The following IL7 variants were observed in gnomAD, a reference collection of about 807,000 sequenced individuals.
The protein encoded by IL7 is interleukin 7.
IL7 carries 3 observed loss-of-function variants against 21.6 expected under a neutral mutation model. The observed-to-expected ratio is 0.14, with a 90% CI of 0.06 to 0.36. The LOEUF (loss-of-function observed/expected upper bound fraction) is 0.36, where lower values mean the gene tolerates loss of function less well. Ranked by LOEUF, IL7 falls within the 10% of genes least tolerant of loss-of-function variation. IL7 has a pLI of 1.00. For missense variants in IL7, 175 were observed against 200.2 expected (o/e 0.87, Z 0.76); for synonymous variants, 62 against 68.1 (o/e 0.91, Z 0.44).
intron 2 of IL7, among the ~76,000 whole-genome samples, chr8:78,771,672 G>T (rs1812959303): frequency 1.3e-5 from 2 of 152,090 alleles, no homozygotes; most frequent in African/African-American, 2.4e-5. Flanking sequence ...TAATGTTTAA[G>T]TCCATTTATG....
chr8:78,737,304 T>C (rs1321443893), intron 4 of IL7, among the ~76,000 whole-genome samples: 2 of 152,126 alleles, frequency 1.3e-5, no homozygotes, highest in East Asian at 3.9e-4. Flanking sequence ...TCACAACTAA[T>C]TAATTGGATG....
chr8:78,742,003 T>C (rs1290882141), intron 2 of IL7, among the ~76,000 whole-genome samples: 1 of 152,126 alleles, frequency 6.6e-6, no homozygotes, highest in Non-Finnish European at 1.5e-5. Flanking sequence ...ATGTCACATA[T>C]GTCCAGATGC....
intron 2 of IL7, among the ~76,000 whole-genome samples, chr8:78,773,120 G>A (rs1586091706): frequency 6.6e-6 from 1 of 152,150 alleles, no homozygotes; most frequent in South Asian, 2.1e-4. Context: ...GGTGGCTGGA[G>A]TCTATCTCAG....
intron 2 of IL7, among the ~76,000 whole-genome samples, chr8:78,755,834 C>G (rs1456963948): frequency 6.6e-6 from 1 of 151,970 alleles, no homozygotes; most frequent in Non-Finnish European, 1.5e-5. Context: ...TTTCTCTTGC[C>G]TAATTGCTCT....
rs1419580464 is a variant in IL7 at position 78,763,832 on chromosome 8, GC to G, written c.148-23751del. 2.0e-5 allele frequency among the ~76,000 whole-genome samples: 3 copies of G among 152,066 alleles called. No individual in the cohort carries two copies. In the East Asian group the frequency reaches 5.8e-4, roughly 29 times the overall value. ...AATACTTCTCAACTCATTCTATAAG[GC>G]CAGCATTACCCTAATATCAAAAATC... On this transcript the variant is annotated intron_variant, in intron 2 of 5. Coordinates refer to ENST00000263851, the MANE Select transcript of IL7 (RefSeq NM_000880.4).
intron 3 of IL7, among the ~76,000 whole-genome samples, chr8:78,712,731 A>G (rs902197518): frequency 2.0e-5 from 3 of 152,114 alleles, no homozygotes; most frequent in Non-Finnish European, 2.9e-5. Context: ...ACTCTACAGC[A>G]TGAGTCTTCA....
chr8:78,680,485 G>T (rs1330824509), intron 4 of IL7, among the ~76,000 whole-genome samples: 1 of 152,146 alleles, frequency 6.6e-6, no homozygotes, highest in Non-Finnish European at 1.5e-5. Context: ...ATCCTTGGGT[G>T]AGTCGTATGC....
chr8:78,699,993 G>A (rs773541404), intron 3 of IL7, among the ~76,000 whole-genome samples: 9 of 152,168 alleles, frequency 5.9e-5, no homozygotes, highest in Non-Finnish European at 1.3e-4. Context: ...TAATGGGATT[G>A]CTGGGGGAAA....
rs10101815 is a variant in IL7 at position 78,780,450 on chromosome 8, C to T, written c.147+17622G>A. Among the ~76,000 whole-genome samples, 1,492 of 152,254 alleles carry T rather than the reference C, an allele frequency of 9.8e-3. 19 individuals carry two copies. Among genetic ancestry groups the T allele is most frequent in the African/African-American group, 0.034 (1,432 of 41,540 alleles). ...ACTGCCTCTTTGTTTTCATTGATTT[C>T]AAAGAACTTCCTGACTTGTGCCTTA... is the stretch of plus-strand genomic sequence containing the variant. On this transcript the variant is annotated intron_variant, in intron 2 of 5. Coordinates refer to ENST00000263851, the MANE Select transcript of IL7 (RefSeq NM_000880.4).
chr8:78,745,775 TTTGG>T (rs757785378), intron 2 of IL7, among the ~76,000 whole-genome samples: 1 of 152,190 alleles, frequency 6.6e-6, no homozygotes, highest in Non-Finnish European at 1.5e-5. Flanking sequence ...TTACCAAAAA[TTTGG>T]AGGCTCAAAA....
At chr8:78,767,598 G>A (rs576913474) in intron 2 of IL7, among the ~76,000 whole-genome samples, 4 of 151,846 alleles carry the variant, frequency 2.6e-5, no homozygotes, top group South Asian at 2.1e-4. Flanking sequence ...CCATAACCAC[G>A]CACTTTTTAT....
intron 5 of IL7, among the ~76,000 whole-genome samples, chr8:78,734,231 A>G (rs1811500495): frequency 6.6e-6 from 1 of 152,198 alleles, no homozygotes; most frequent in African/African-American, 2.4e-5. Context: ...TTTGCCAAAG[A>G]TAATAAGGAT....
intron 3 of IL7, among the ~76,000 whole-genome samples, chr8:78,704,893 A>C (rs1186195156): frequency 6.6e-6 from 1 of 152,068 alleles, no homozygotes; most frequent in Non-Finnish European, 1.5e-5. Context: ...CTCTTCTGCT[A>C]TTAATACTTG....
chr8:78,756,311 G>T (rs1215706862), intron 2 of IL7, among the ~76,000 whole-genome samples: 1 of 151,850 alleles, frequency 6.6e-6, no homozygotes, highest in Non-Finnish European at 1.5e-5. Flanking sequence ...TGCTATCAGG[G>T]TAATGCTGGC....
chr8:78,800,203 T>C (rs1310024981), intron 1 of IL7, among the ~76,000 whole-genome samples: 1 of 152,240 alleles, frequency 6.6e-6, no homozygotes, highest in Non-Finnish European at 1.5e-5. Context: ...TTCACTTAGA[T>C]AATGGCCTCA....
chr8:78,719,524 T>C (rs9298317), intron 5 of IL7: 15 of 151,810 alleles, frequency 9.9e-5, no homozygotes, highest in African/African-American at 3.6e-4. Context: ...TTAAAAAAAA[T>C]CTTCCTATGC....
chr8:78,693,213 G>A (rs1810273702), intron 3 of IL7, among the ~76,000 whole-genome samples: 3 of 152,124 alleles, frequency 2.0e-5, no homozygotes, highest in Admixed American at 2.0e-4. Flanking sequence ...TGTCTTTATA[G>A]CAGCATGATT....
intron 2 of IL7, among the ~76,000 whole-genome samples, chr8:78,754,778 A>G (rs761535397): frequency 6.6e-6 from 1 of 152,164 alleles, no homozygotes; most frequent in South Asian, 2.1e-4. Context: ...GTCTCATTCT[A>G]TAGGTTGTCT....
At chr8:78,722,370 T>C (rs1425453658) in intron 3 of IL7, among the ~76,000 whole-genome samples, 1 of 151,856 alleles carries the variant, frequency 6.6e-6, no homozygotes, top group Non-Finnish European at 1.5e-5. Context: ...CTAAATTTCA[T>C]TCAAGAGGAC....
Sources: allele counts gnomAD v4.1 joint callset (sites outside exome capture counted in the v4.1 genomes callset), GRCh38; gene constraint gnomAD v4.1.1; transcripts MANE v1.5; gene names NCBI Gene and HGNC (gene_info 2026-07-23, HGNC 2026-07-21).